The following RBFOX1 variants were observed in gnomAD, a reference collection of about 807,000 sequenced individuals.
The protein encoded by RBFOX1 is RNA binding fox-1 homolog 1.
Under a neutral mutation model 57.7 loss-of-function variants are expected in RBFOX1, and 8 were observed. That is an observed-to-expected ratio of 0.14 (90% CI 0.08 to 0.25). The LOEUF is 0.25. Among genes scored for constraint, RBFOX1 ranks in the 10% least tolerant of loss-of-function variants. The pLI is 1.00. For synonymous variants in RBFOX1, 326 were observed against 222.4 expected (o/e 1.47, Z -4.15); for missense variants, 611 against 548.5 (o/e 1.11, Z -1.14).
In RBFOX1 at chr16:5,899,338, C is replaced by G. The variant is rs1309779249; in HGVS notation, c.351+32003C>G. On this transcript the variant is annotated intron_variant, in intron 4 of 19. Coordinates refer to the RBFOX1 transcript ENST00000641259. ...GATCTACAGAGGAGAGCCTGTCATG[C>G]AGAAGCTGTCCATTATAGGGGAAAC... Among the ~76,000 whole-genome samples the G allele has an allele frequency of 2.0e-5, 3 of 152,020 alleles. No homozygotes were observed. The East Asian group carries it at 5.8e-4, about 29-fold the overall frequency.
At chr16:7,314,103 C>A (rs1046360047) in intron 4 of RBFOX1, among the ~76,000 whole-genome samples, 6 of 152,028 alleles carry the variant, frequency 3.9e-5, no homozygotes, top group African/African-American at 1.5e-4. Context: ...GGCTTTTGGA[C>A]TTGGGGAGGA....
chr16:6,689,852 G>T (rs1220064752), intron 3 of RBFOX1, among the ~76,000 whole-genome samples: 2 of 152,170 alleles, frequency 1.3e-5, no homozygotes, highest in Non-Finnish European at 2.9e-5. Flanking sequence ...CTCCTGCAAA[G>T]ACATTTGTCT....
Position 6,695,277 on chromosome 16 carries a change from G to T in RBFOX1, c.-16+40627G>T, listed in dbSNP as rs143151356. Among the ~76,000 whole-genome samples, 366 of 152,012 alleles carry T rather than the reference G, an allele frequency of 2.4e-3. 3 individuals carry two copies. The highest frequency in any genetic ancestry group is 8.5e-3 in the African/African-American group (351 of 41,480). The stretch of plus-strand genomic sequence containing the variant: ...TCTACTGAAAATAAAAAATTAGCTG[G>T]GCGTGGTGGTGAGTGCCTGTAATAG... On this transcript the variant is annotated intron_variant, in intron 3 of 15. Transcript: ENST00000550418.
At chr16:6,292,894 A>G (rs1313999131) in intron 1 of RBFOX1, among the ~76,000 whole-genome samples, 1 of 152,184 alleles carries the variant, frequency 6.6e-6, no homozygotes, top group Non-Finnish European at 1.5e-5. Context: ...CTAGACTGAC[A>G]TTCAAAGTAC....
chr16:7,604,680 G>A (rs999199787), intron 9 of RBFOX1, among the ~76,000 whole-genome samples: 1 of 152,094 alleles, frequency 6.6e-6, no homozygotes, highest in African/African-American at 2.4e-5. Context: ...TGATTTCTAG[G>A]TAGCCTCAAA....
intron 1 of RBFOX1, among the ~76,000 whole-genome samples, chr16:6,083,090 C>T (rs946394686): frequency 6.6e-6 from 1 of 152,094 alleles, no homozygotes; most frequent in Non-Finnish European, 1.5e-5. Context: ...CAACCTCCTC[C>T]TCCCAGGTTC....
intron 1 of RBFOX1, among the ~76,000 whole-genome samples, chr16:5,447,600 G>T (rs1221894427): frequency 6.6e-6 from 1 of 152,156 alleles, no homozygotes; most frequent in East Asian, 1.9e-4. Context: ...ATTTCACCAT[G>T]TTGGCCAGGC....
At chr16:6,270,382 G>GA (rs1281506560) in intron 1 of RBFOX1, among the ~76,000 whole-genome samples, 1 of 145,554 alleles carries the variant, frequency 6.9e-6, no homozygotes, top group Non-Finnish European at 1.5e-5. Flanking sequence ...TAAAAGGATG[G>GA]AAAAAAGATA....
chr16:5,641,144 TAC>T (rs911703644), intron 3 of RBFOX1, among the ~76,000 whole-genome samples: 1 of 148,306 alleles, frequency 6.7e-6, no homozygotes, highest in Non-Finnish European at 1.5e-5. Context: ...ACACCATGAA[TAC>T]ACACACATGC....
chr16:6,353,784 G>A (rs2086810854), intron 2 of RBFOX1, among the ~76,000 whole-genome samples: 2 of 152,146 alleles, frequency 1.3e-5, no homozygotes, highest in African/African-American at 4.8e-5. Flanking sequence ...CGTTGAGGAA[G>A]ATCTGAAGGA....
In RBFOX1 at chr16:5,453,949, A is replaced by G. The variant is rs184365666; in HGVS notation, c.220-13267A>G. Among the ~76,000 whole-genome samples the G allele has an allele frequency of 4.4e-3, 676 of 152,232 alleles. 3 individuals carry two copies. Among genetic ancestry groups the G allele is most frequent in the South Asian group, 8.3e-3 (40 of 4,822 alleles). On this transcript the variant is annotated intron_variant, in intron 1 of 2. Transcript: ENST00000585867. The stretch of plus-strand genomic sequence containing the variant: ...CTTAAGCTTAGTTCCCAAGTATGAA[A>G]AAGATGGGGGAGGAACATTCTAGGC...
At chr16:6,791,117 G>A (rs1396431433) in intron 3 of RBFOX1, among the ~76,000 whole-genome samples, 1 of 151,884 alleles carries the variant, frequency 6.6e-6, no homozygotes, top group African/African-American at 2.4e-5. Context: ...ATCTTGGCTA[G>A]GCTGATCTCA....
At chr16:5,387,865 A>G (rs1433592687) in intron 1 of RBFOX1, among the ~76,000 whole-genome samples, 4 of 152,200 alleles carry the variant, frequency 2.6e-5, no homozygotes, top group Non-Finnish European at 5.9e-5. Flanking sequence ...TGATGTAATC[A>G]TGAGAGTTCT....
intron 1 of RBFOX1, among the ~76,000 whole-genome samples, chr16:6,041,594 T>A (rs1343007438): frequency 6.6e-6 from 1 of 152,080 alleles, no homozygotes; most frequent in African/African-American, 2.4e-5. Context: ...ACATACCTCA[T>A]AAGTGGCAGA....
intron 14 of RBFOX1, among the ~76,000 whole-genome samples, chr16:7,685,633 G>C (rs2075905720): frequency 6.6e-6 from 1 of 152,090 alleles, no homozygotes; most frequent in African/African-American, 2.4e-5. Flanking sequence ...GTTTCAGATT[G>C]ACATATTTTG....
At chr16:6,761,912 T>G (rs1342554818) in intron 3 of RBFOX1, among the ~76,000 whole-genome samples, 5 of 152,120 alleles carry the variant, frequency 3.3e-5, no homozygotes, top group Non-Finnish European at 7.4e-5. Context: ...CCACATTGTC[T>G]TCACCTCTAG....
chr16:5,254,228 C>T (rs933983151), intron 1 of RBFOX1, among the ~76,000 whole-genome samples: 4 of 152,176 alleles, frequency 2.6e-5, no homozygotes, highest in African/African-American at 9.7e-5. Flanking sequence ...GGTTTGAAGC[C>T]ACCTGGCTGG....
chr16:6,587,748 T>A (rs1344324706), intron 2 of RBFOX1, among the ~76,000 whole-genome samples: 2 of 152,216 alleles, frequency 1.3e-5, no homozygotes, highest in Non-Finnish European at 2.9e-5. Flanking sequence ...ACATACAAAC[T>A]TGTAGAAAAA....
At chr16:6,895,632 A>G (rs2153391519) in intron 3 of RBFOX1, among the ~76,000 whole-genome samples, 1 of 151,890 alleles carries the variant, frequency 6.6e-6, no homozygotes, top group Non-Finnish European at 1.5e-5. Flanking sequence ...GGAGAGTCAT[A>G]GATCCTTGAC....
Sources: gnomAD v4.1 joint callset for allele counts (sites outside exome capture counted in the v4.1 genomes callset) on GRCh38, gnomAD v4.1.1 for gene constraint, MANE v1.5 for transcripts, NCBI Gene and HGNC (gene_info 2026-07-23, HGNC 2026-07-21) for gene names.